The following KLRG1 variants were observed in gnomAD, a reference collection of about 807,000 sequenced individuals.
KLRG1 encodes the protein killer cell lectin-like receptor subfamily G member 1.
In KLRG1, 16 loss-of-function variants were observed where a neutral mutation model predicts 21.8. The observed-to-expected ratio is 0.73, with a 90% CI of 0.50 to 1.11. The LOEUF is 1.11. Among genes scored for constraint, KLRG1 ranks in the 50% most tolerant of loss-of-function variants. The pLI is 0.00. For missense variants in KLRG1, 173 were observed against 218.3 expected (o/e 0.79, Z 1.31); for synonymous variants, 69 against 75.9 (o/e 0.91, Z 0.47).
At chr12:9,168,925 G>C in the KLRG1 span, 1 of 1,614,070 alleles carries the variant, frequency 6.2e-7, no homozygotes, top group Non-Finnish European at 8.5e-7. Flanking sequence ...GACTGAACAC[G>C]ACTTTGGTTT....
chr12:9,090,059 T>C, the KLRG1 span: 2 of 1,570,474 alleles, frequency 1.3e-6, no homozygotes, highest in Non-Finnish European at 1.7e-6. Context: ...AATAGCATCT[T>C]CCCCTTCCTC....
chr12:9,008,510 C>G (rs962062079), intron 3 of KLRG1, among the ~76,000 whole-genome samples: 2 of 152,198 alleles, frequency 1.3e-5, no homozygotes, highest in African/African-American at 4.8e-5. Context: ...TAACAAAATA[C>G]CATAGACTGG....
the KLRG1 span, among the ~76,000 whole-genome samples, chr12:9,025,736 A>C: frequency 6.6e-6 from 1 of 152,238 alleles, no homozygotes; most frequent in Non-Finnish European, 1.5e-5. Context: ...AACTGGAAGA[A>C]GTAACCTTGG....
At chr12:9,164,631 T>A in the KLRG1 span, among the ~76,000 whole-genome samples, 1 of 152,144 alleles carries the variant, frequency 6.6e-6, no homozygotes, top group Non-Finnish European at 1.5e-5. Flanking sequence ...ACATGTCTAA[T>A]CCATACAAGA....
intron 1 of KLRG1, among the ~76,000 whole-genome samples, chr12:8,950,659 A>G (rs1315127719): frequency 6.7e-6 from 1 of 149,420 alleles, no homozygotes; most frequent in African/African-American, 2.5e-5. Context: ...TTTGATTCTT[A>G]CCCCTCTCAT....
chr12:9,115,743 C>T, the KLRG1 span: 7 of 1,589,056 alleles, frequency 4.4e-6, no homozygotes, highest in South Asian at 3.3e-5. Flanking sequence ...TCATGCTTCA[C>T]GCTCTCTGTG....
At chr12:9,101,120 T>A in the KLRG1 span, 1 of 1,553,498 alleles carries the variant, frequency 6.4e-7, no homozygotes, top group Non-Finnish European at 8.7e-7. Context: ...GGGGCAGCAA[T>A]GCAGAGATGA....
At chr12:8,995,001 A>G (rs767192157) in intron 2 of KLRG1, 118 bp from the exon 3 acceptor site, 4 of 826,846 alleles carry the variant, frequency 4.8e-6, no homozygotes, top group Non-Finnish European at 7.4e-6. Context: ...CTAACCCTTA[A>G]TCTGAAAAGT....
At chr12:8,950,701 T>A (rs1380746258) in intron 1 of KLRG1, among the ~76,000 whole-genome samples, 1 of 152,172 alleles carries the variant, frequency 6.6e-6, no homozygotes, top group African/African-American at 2.4e-5. Flanking sequence ...AGTCTAATAA[T>A]AATAAAAGCT....
chr12:9,169,794 T>C, the KLRG1 span: 1 of 438,864 alleles, frequency 2.3e-6, no homozygotes, highest in Non-Finnish European at 3.9e-6. Context: ...GGGAAAATGC[T>C]TCCAAAGATT....
the KLRG1 span, chr12:9,180,934 G>T: frequency 6.4e-7 from 1 of 1,570,416 alleles, no homozygotes; most frequent in African/African-American, 1.4e-5. Context: ...TTCTTGATCT[G>T]AGCCTCTGGA....
the KLRG1 span, among the ~76,000 whole-genome samples, chr12:9,045,202 G>A: frequency 2.0e-5 from 3 of 152,074 alleles, no homozygotes; most frequent in African/African-American, 2.4e-5. Context: ...TTGAGGTAAC[G>A]GGCAAACCAT....
At chr12:9,084,392 A>C in the KLRG1 span, among the ~76,000 whole-genome samples, 1 of 152,322 alleles carries the variant, frequency 6.6e-6, no homozygotes, top group East Asian at 1.9e-4. Context: ...ATAAATTGTC[A>C]ATAAATACAC....
the KLRG1 span, chr12:9,158,605 G>C: frequency 6.2e-7 from 1 of 1,610,492 alleles, no homozygotes; most frequent in Non-Finnish European, 8.5e-7. Flanking sequence ...CAGTGCTGAG[G>C]CTCTTTTCAT....
chr12:9,132,361 AAAC>A, the KLRG1 span, among the ~76,000 whole-genome samples: 4 of 152,254 alleles, frequency 2.6e-5, no homozygotes, highest in African/African-American at 9.6e-5. Context: ...ATGGGTTGTG[AAAC>A]AACATACAGT....
At chr12:9,200,316 A>C in the KLRG1 span, 1 of 1,417,002 alleles carries the variant, frequency 7.1e-7, no homozygotes, top group East Asian at 2.3e-5. Flanking sequence ...ATAATCCCTC[A>C]AAATTGAGGC....
upstream of KLRG1, among the ~76,000 whole-genome samples, chr12:8,988,587 T>C (rs187446715): frequency 2.6e-5 from 4 of 152,072 alleles, no homozygotes; most frequent in African/African-American, 4.8e-5. Flanking sequence ...TTAACTTTTG[T>C]TTTTTTTAGA....
the KLRG1 span, among the ~76,000 whole-genome samples, chr12:9,022,210 C>T: frequency 6.6e-6 from 1 of 152,174 alleles, no homozygotes; most frequent in Non-Finnish European, 1.5e-5. Flanking sequence ...GTATCATGTA[C>T]TGTACATAAT....
the KLRG1 span, chr12:9,093,652 AC>A: frequency 1.3e-6 from 1 of 771,414 alleles, no homozygotes. Flanking sequence ...AATAGTTGCC[AC>A]CAAAAAAAAA....
Sources: gnomAD v4.1 joint callset for allele counts (sites outside exome capture counted in the v4.1 genomes callset) on GRCh38, gnomAD v4.1.1 for gene constraint, MANE v1.5 for transcripts, NCBI Gene and HGNC (gene_info 2026-07-23, HGNC 2026-07-21) for gene names.